The following CRYBG1 variants were observed in gnomAD, a reference collection of about 807,000 sequenced individuals.
CRYBG1 encodes beta/gamma crystallin domain-containing protein 1.
In CRYBG1, 139 loss-of-function variants were observed where a neutral mutation model predicts 189.2. The ratio of observed to expected loss-of-function variants is 0.73; its 90% CI spans 0.64 to 0.85. The LOEUF is 0.85. Ranked by LOEUF, CRYBG1 falls within the 40% of genes least tolerant of loss-of-function variation. CRYBG1 has a pLI of 0.00. For missense variants in CRYBG1, 2,611 were observed against 2,675.8 expected, an observed-to-expected ratio of 0.98 and a Z score of 0.53; for synonymous variants, 1,023 against 1,017.1, an observed-to-expected ratio of 1.01 and a Z score of -0.11.
intron 2 of CRYBG1, among the ~76,000 whole-genome samples, chr6:106,491,626 T>C (rs554872491): frequency 1.7e-3 from 265 of 152,256 alleles, no homozygotes; most frequent in African/African-American, 6.1e-3. Flanking sequence ...CAGTGTCTGC[T>C]TTCCTTTGGT....
chr6:106,463,500 G>T (rs1164447467), intron 2 of CRYBG1, among the ~76,000 whole-genome samples: 1 of 152,116 alleles, frequency 6.6e-6, no homozygotes, highest in Non-Finnish European at 1.5e-5. Flanking sequence ...CCCTCTCAGG[G>T]TGCTGATTAT....
intron 2 of CRYBG1, among the ~76,000 whole-genome samples, chr6:106,500,114 A>G (rs1279242100): frequency 6.6e-6 from 1 of 152,182 alleles, no homozygotes; most frequent in African/African-American, 2.4e-5. Flanking sequence ...ATTGTGAATA[A>G]TGCTGCAATG....
intron 2 of CRYBG1, among the ~76,000 whole-genome samples, chr6:106,496,522 T>TTA (rs200917161): frequency 2.0e-5 from 3 of 151,960 alleles, no homozygotes; most frequent in Non-Finnish European, 2.9e-5. Context: ...TTTTTTTTTT[T>TTA]AATCTAGGTT....
chr6:106,451,259 C>G (rs1352466278), intron 1 of CRYBG1, among the ~76,000 whole-genome samples: 3 of 152,156 alleles, frequency 2.0e-5, no homozygotes, highest in Non-Finnish European at 4.4e-5. Context: ...CTGGCATAGT[C>G]TAGATTGTTT....
At chr6:106,499,140 GT>G (rs1271059354) in intron 2 of CRYBG1, among the ~76,000 whole-genome samples, 7 of 58,932 alleles carry the variant, frequency 1.2e-4, no homozygotes, top group African/African-American at 9.6e-4. Context: ...TTTTTTGTTT[GT>G]TTGTTTGTTT....
intron 2 of CRYBG1, among the ~76,000 whole-genome samples, chr6:106,502,294 C>G (rs1237242254): frequency 6.6e-6 from 1 of 152,170 alleles, no homozygotes; most frequent in Non-Finnish European, 1.5e-5. Context: ...TTGCACAAGT[C>G]ATTCTTTTTA....
chr6:106,397,894 T>C (rs571222657), intron 1 of CRYBG1, among the ~76,000 whole-genome samples: 1 of 152,224 alleles, frequency 6.6e-6, no homozygotes, highest in Non-Finnish European at 1.5e-5. Flanking sequence ...AGTATCTCAG[T>C]GTCAATGGAA....
In CRYBG1 at chr6:106,519,903, T is replaced by TG. The variant is rs1357454912; in HGVS notation, c.2696dup (p.Cys899TrpfsTer3). The TG allele has an allele frequency of 6.2e-7, 1 of 1,613,946 alleles. No individual in the cohort carries two copies. Among genetic ancestry groups the TG allele is most frequent in the Non-Finnish European group, 8.5e-7 (1 of 1,180,008 alleles). The stretch of plus-strand genomic sequence containing the variant: ...TCAATCACCCATAAGCAGTTTCCCA[T>TG]GCACTGATCTAAAAGTGTCAGAAAA... On this transcript the variant is annotated frameshift_variant, in exon 4 of 22. Transcript: ENST00000633556. LOFTEE classifies it high-confidence loss of function.
intron 1 of CRYBG1, chr6:106,449,544 T>C (rs1378260175): frequency 6.6e-6 from 1 of 152,260 alleles, no homozygotes; most frequent in Non-Finnish European, 1.5e-5. Context: ...TTCTTTGGCA[T>C]ATTTGTGAGC....
At chr6:106,492,618 C>T (rs1220476312) in intron 2 of CRYBG1, among the ~76,000 whole-genome samples, 1 of 152,242 alleles carries the variant, frequency 6.6e-6, no homozygotes, top group Middle Eastern at 3.4e-3. Flanking sequence ...TATTCAAACG[C>T]CACCTTCTCA....
At chr6:106,367,799 CAAAAAAA>C (rs68107811) in intron 1 of CRYBG1, among the ~76,000 whole-genome samples, 1 of 136,970 alleles carries the variant, frequency 7.3e-6, no homozygotes, top group Non-Finnish European at 1.6e-5. Context: ...CCTGCTTATC[CAAAAAAA>C]AAAAAAAAAA....
intron 16 of CRYBG1, among the ~76,000 whole-genome samples, chr6:106,554,556 A>C (rs1369846505): frequency 1.3e-5 from 2 of 151,402 alleles, no homozygotes; most frequent in Non-Finnish European, 3.0e-5. Context: ...AGGTTGCAGT[A>C]AGTTGAGATC....
At chr6:106,427,901 C>T (rs922400745) in intron 1 of CRYBG1, among the ~76,000 whole-genome samples, 2 of 152,126 alleles carry the variant, frequency 1.3e-5, no homozygotes, top group Admixed American at 1.3e-4. Context: ...CTTTCTGGAC[C>T]GCATCGAGCT....
At chr6:106,555,650 CTG>C in intron 16 of CRYBG1, 116 bp from the exon 17 acceptor site, 1 of 1,228,696 alleles carries the variant, frequency 8.1e-7, no homozygotes, top group Admixed American at 2.4e-5. Context: ...AGAAAGAACT[CTG>C]TTTGCCAGAA....
rs143973721 is a variant in CRYBG1 at position 106,519,068 on chromosome 6, G to A, written c.1923-63G>A. ...GCTTTTCATAGTTTTATAATTAATT[G>A]GTTTGTGTGTTCACTTTTTAAAACT... On this transcript the variant is annotated intron_variant, in intron 3 of 21. Coordinates refer to ENST00000633556, the MANE Select transcript of CRYBG1 (RefSeq NM_001371242.2). 1.3e-4 allele frequency: 197 copies of A among 1,496,146 alleles called. No homozygotes were observed. In the East Asian group the frequency reaches 3.8e-3, roughly 29 times the overall value. The allele number at this position is 1,496,146 out of a possible 1,614,324, so 92.7% of individuals were successfully genotyped here. A position where few individuals can be genotyped will look rare whatever the true frequency, so the allele number is the denominator to read the frequency against.
intron 1 of CRYBG1, among the ~76,000 whole-genome samples, chr6:106,366,103 T>C (rs962665848): frequency 6.6e-6 from 1 of 152,236 alleles, no homozygotes; most frequent in Admixed American, 6.5e-5. Flanking sequence ...TAAAATGTTA[T>C]TTGAAAGCAT....
intron 1 of CRYBG1, among the ~76,000 whole-genome samples, chr6:106,433,462 A>G (rs1276043570): frequency 1.3e-5 from 2 of 152,004 alleles, no homozygotes; most frequent in African/African-American, 4.8e-5. Flanking sequence ...TGAATGTTCT[A>G]TTGATTCCAG....
At chr6:106,546,824 G>A (rs1248610043) in intron 13 of CRYBG1, among the ~76,000 whole-genome samples, 2 of 152,248 alleles carry the variant, frequency 1.3e-5, no homozygotes, top group Admixed American at 6.5e-5. Context: ...GACCAACTTA[G>A]TCTGGTGAAA....
chr6:106,561,010 T>C, intron 19 of CRYBG1, 84 bp downstream of exon 19: 1 of 1,408,406 alleles, frequency 7.1e-7, no homozygotes, highest in South Asian at 1.5e-5. Context: ...TCCAATTTTT[T>C]TATTCAAAGT....
Sources: allele counts gnomAD v4.1 joint callset (sites outside exome capture counted in the v4.1 genomes callset), GRCh38; gene constraint gnomAD v4.1.1; transcripts MANE v1.5; gene names NCBI Gene and HGNC (gene_info 2026-07-23, HGNC 2026-07-21).